The following BMPR1B variants were observed in gnomAD, a reference collection of about 807,000 sequenced individuals.
BMPR1B encodes the protein bone morphogenetic protein receptor type-1B.
A neutral mutation model predicts 59.1 loss-of-function variants in BMPR1B; 12 were observed. That is an observed-to-expected ratio of 0.20 (90% CI 0.13 to 0.33). The LOEUF is 0.33. Ranked by LOEUF, BMPR1B falls within the 10% of genes least tolerant of loss-of-function variation. The pLI is 1.00. For missense variants in BMPR1B, 550 were observed against 610.9 expected, an observed-to-expected ratio of 0.90 and a Z score of 1.05; for synonymous variants, 237 against 207.3, an observed-to-expected ratio of 1.14 and a Z score of -1.23.
rs763496728 is a variant in BMPR1B, at chr4:95,104,464, A to C, written c.40A>C (p.Lys14Gln). ...RSAGKLNVGT[K>Q]KEDGESTAPT... ...TGCAGGAAAATTAAATGTGGGCACC[A>C]AGAAAGAGGATGGTGAGAGTACAGC... is the stretch of plus-strand genomic sequence containing the variant. The change falls in exon 4 of 13, where the codon AAG becomes CAG. Residue 14 changes from lysine (K) to glutamine (Q), a missense_variant. This residue lies in a region of BMPR1B where 43 missense variants were observed against 35.4 expected (regional missense o/e 1.22). Transcript: ENST00000515059. 3.1e-6 allele frequency: 5 copies of C among 1,613,434 alleles called. No individual in the cohort carries two copies. Among genetic ancestry groups the C allele is most frequent in the Middle Eastern group, 1.7e-4 (1 of 6,058 alleles).
intron 1 of BMPR1B, among the ~76,000 whole-genome samples, chr4:94,862,970 T>A (rs62316176): frequency 2.2e-5 from 3 of 133,402 alleles, no homozygotes; most frequent in Admixed American, 1.5e-4. Context: ...AAAAAAAATT[T>A]AGCTGGGCAT....
At chr4:95,059,849 C>A (rs956377949) in intron 3 of BMPR1B, among the ~76,000 whole-genome samples, 2 of 152,082 alleles carry the variant, frequency 1.3e-5, no homozygotes, top group Admixed American at 6.6e-5. Flanking sequence ...TAACAGTTGG[C>A]CAATGTGTTT....
intron 1 of BMPR1B, among the ~76,000 whole-genome samples, chr4:94,817,319 G>C (rs868060549): frequency 1.3e-5 from 2 of 152,324 alleles, no homozygotes; most frequent in Middle Eastern, 6.8e-3. Context: ...TGGTATAGAA[G>C]ACAGCAGTTT....
rs70946573 is a variant in BMPR1B, at chr4:94,970,302, T to TCTCTC, written c.-112-25738_-112-25737insCTCTC. Among the ~76,000 whole-genome samples the TCTCTC allele has an allele frequency of 9.7e-3, 896 of 92,700 alleles. 10 individuals carry two copies. The highest frequency in any genetic ancestry group is 0.04 in the African/African-American group (836 of 20,794). 60.8% of individuals were successfully genotyped at this position (92,700 alleles called of 152,430 possible). ...TTCTCTTCTCTTCTCTTCTCTTCTC[T>TCTCTC]TCTTTCTCTCTCTCTTTCTCTCTTT... On this transcript the variant is annotated intron_variant, in intron 2 of 12. Transcript: ENST00000515059.
intron 1 of BMPR1B, among the ~76,000 whole-genome samples, chr4:94,784,220 T>C (rs1256849890): frequency 6.6e-6 from 1 of 152,130 alleles, no homozygotes; most frequent in African/African-American, 2.4e-5. Flanking sequence ...TATTGTGAGA[T>C]TAGCTTTTAA....
intron 1 of BMPR1B, among the ~76,000 whole-genome samples, chr4:94,802,719 T>G (rs1723455643): frequency 6.6e-6 from 1 of 152,202 alleles, no homozygotes; most frequent in South Asian, 2.1e-4. Context: ...TGTGTATAAT[T>G]GATCTGGACT....
At chr4:94,758,344 G>A (rs1348145727) in intron 1 of BMPR1B, among the ~76,000 whole-genome samples, 2 of 151,482 alleles carry the variant, frequency 1.3e-5, no homozygotes, top group Admixed American at 1.3e-4. Flanking sequence ...CGGCTCTGCC[G>A]GGACCCCGAG....
At position 95,116,421 on chromosome 4, in the gene BMPR1B, G is replaced by GCGCGCACACA; in HGVS notation, c.349+635_349+636insGCGCACACAC. On this transcript the variant is annotated intron_variant, in intron 6 of 12. Coordinates refer to ENST00000515059, the MANE Select transcript of BMPR1B (RefSeq NM_001203.3). ...CTCCTCCTCCATGCTTTCAGCGCGC[G>GCGCGCACACA]CACACACACACACACACACACACAC... Among the ~76,000 whole-genome samples, 17 of 123,238 alleles carry GCGCGCACACA rather than the reference G, an allele frequency of 1.4e-4. 1 individual carries two copies. The highest frequency in any genetic ancestry group is 4.3e-4 in the African/African-American group (12 of 27,850). The allele number at this position is 123,238 out of a possible 152,430, so 80.8% of individuals were successfully genotyped here. A position where few individuals can be genotyped will look rare whatever the true frequency, so the allele number is the denominator to read the frequency against.
intron 1 of BMPR1B, among the ~76,000 whole-genome samples, chr4:94,798,001 T>C (rs926055389): frequency 6.6e-6 from 1 of 152,214 alleles, no homozygotes; most frequent in Non-Finnish European, 1.5e-5. Flanking sequence ...TTCTTCATCG[T>C]AATAGTATTT....
intron 2 of BMPR1B, among the ~76,000 whole-genome samples, chr4:94,990,119 AGGCCAAGGTGGGT>A (rs750612861): frequency 1.3e-5 from 2 of 152,202 alleles, no homozygotes; most frequent in Non-Finnish European, 2.9e-5. Context: ...GCACTTTGGG[AGGCCAAGGTGGGT>A]GGATCACTAG....
chr4:94,998,396 G>T, intron 3 of BMPR1B, among the ~76,000 whole-genome samples: 1 of 147,454 alleles, frequency 6.8e-6, no homozygotes, highest in African/African-American at 2.5e-5. Context: ...TTTTTGAGAT[G>T]GAATTTCAAT....
At chr4:94,982,876 T>C (rs1721179633) in intron 2 of BMPR1B, among the ~76,000 whole-genome samples, 2 of 151,676 alleles carry the variant, frequency 1.3e-5, no homozygotes, top group South Asian at 4.2e-4. Context: ...TCCCAGCTAC[T>C]CGGGAAGCTG....
intron 2 of BMPR1B, among the ~76,000 whole-genome samples, chr4:94,894,966 A>C (rs1249376667): frequency 6.6e-6 from 1 of 151,938 alleles, no homozygotes; most frequent in Non-Finnish European, 1.5e-5. Flanking sequence ...GGGTTCTCTG[A>C]GTATTAGGCA....
At chr4:95,104,330 AT>A (rs1189052828) in intron 3 of BMPR1B, 77 bp from the exon 4 acceptor site, 2 of 1,462,464 alleles carry the variant, frequency 1.4e-6, no homozygotes, top group East Asian at 2.4e-5. Flanking sequence ...TTAAAATGTA[AT>A]CTCATGTTTT....
Position 94,841,623 on chromosome 4 carries a change from G to A in BMPR1B, c.-182-34208G>A, listed in dbSNP as rs573263296. On this transcript the variant is annotated intron_variant, in intron 1 of 12. Transcript: ENST00000515059. ...GCAATGCCTCACCCTGCTTCGGCTC[G>A]CACACGGTGCGCGCACCCACTGATC... is the stretch of plus-strand genomic sequence containing the variant. Among the ~76,000 whole-genome samples the A allele has an allele frequency of 3.3e-5, 5 of 152,132 alleles. No homozygotes were observed. In the East Asian group the frequency reaches 7.8e-4, roughly 24 times the overall value.
intron 2 of BMPR1B, among the ~76,000 whole-genome samples, chr4:94,960,502 A>G (rs1452555239): frequency 6.6e-6 from 1 of 152,144 alleles, no homozygotes; most frequent in South Asian, 2.1e-4. Flanking sequence ...AATATTTGGC[A>G]TTCTGAGGTA....
At chr4:95,077,573 A>G (rs1180887841) in intron 3 of BMPR1B, among the ~76,000 whole-genome samples, 1 of 152,138 alleles carries the variant, frequency 6.6e-6, no homozygotes, top group Non-Finnish European at 1.5e-5. Flanking sequence ...TCTACGTAGA[A>G]TTTTTAGATT....
At chr4:94,886,395 G>A (rs1193620830) in intron 2 of BMPR1B, among the ~76,000 whole-genome samples, 1 of 152,178 alleles carries the variant, frequency 6.6e-6, no homozygotes, top group Non-Finnish European at 1.5e-5. Context: ...TGAGCATAAT[G>A]TTCTCTGTTA....
chr4:94,915,083 A>G (rs1336356920), intron 2 of BMPR1B, among the ~76,000 whole-genome samples: 1 of 152,184 alleles, frequency 6.6e-6, no homozygotes, highest in Non-Finnish European at 1.5e-5. Context: ...TAAAAAATGT[A>G]TATGACCTCC....
Sources: allele counts gnomAD v4.1 joint callset (sites outside exome capture counted in the v4.1 genomes callset), GRCh38; gene constraint gnomAD v4.1.1; regional missense constraint gnomAD v4.1.1; transcripts MANE v1.5; gene names NCBI Gene and HGNC (gene_info 2026-07-23, HGNC 2026-07-21).